The following SGMS1 variants were observed in gnomAD, a reference collection of about 807,000 sequenced individuals.
SGMS1 encodes the protein sphingomyelin synthase 1, also known as phosphatidylcholine:ceramide cholinephosphotransferase 1.
In SGMS1, 13 loss-of-function variants were observed where a neutral mutation model predicts 46.2. The observed-to-expected ratio is 0.28, with a 90% CI of 0.18 to 0.45. The LOEUF (loss-of-function observed/expected upper bound fraction) is 0.45, where lower values mean the gene tolerates loss of function less well. Among genes scored for constraint, SGMS1 ranks in the 20% least tolerant of loss-of-function variants. SGMS1 has a pLI of 1.00. For synonymous variants in SGMS1, 203 were observed against 187.8 expected (o/e 1.08, Z -0.66); for missense variants, 324 against 519.9 (o/e 0.62, Z 3.66).
chr10:50,615,901 T>C (rs1242953898), intron 1 of SGMS1, among the ~76,000 whole-genome samples: 2 of 152,208 alleles, frequency 1.3e-5, no homozygotes, highest in Non-Finnish European at 2.9e-5. Flanking sequence ...AATTGTTTCT[T>C]GCACATTAGC....
In SGMS1 at chr10:50,538,757, C is replaced by G. The variant is rs186461744; in HGVS notation, c.-588-18836G>C. Among the ~76,000 whole-genome samples, 8 of 152,282 alleles carry G rather than the reference C, an allele frequency of 5.3e-5. No homozygotes were observed. In the East Asian group the frequency reaches 1.5e-3, roughly 29 times the overall value. On this transcript the variant is annotated intron_variant, in intron 2 of 10. Transcript: ENST00000361781. Reference sequence around the variant, plus strand: ...GGAAATGACAGAAAACAATACTGATCTGGAGGTGGAACTGTGAGATAAAAG... The same window carrying G: ...GGAAATGACAGAAAACAATACTGATGTGGAGGTGGAACTGTGAGATAAAAG...
intron 1 of SGMS1, among the ~76,000 whole-genome samples, chr10:50,621,013 A>C (rs940853673): frequency 6.6e-6 from 1 of 152,034 alleles, no homozygotes; most frequent in South Asian, 2.1e-4. Flanking sequence ...ACAAAACCCT[A>C]TCTCTATAAA....
intron 1 of SGMS1, among the ~76,000 whole-genome samples, chr10:50,600,085 A>C (rs1048250873): frequency 2.0e-5 from 3 of 152,220 alleles, no homozygotes; most frequent in Admixed American, 1.3e-4. Flanking sequence ...AACTCTGAGC[A>C]CTTAACCAGA....
At chr10:50,446,842 C>T (rs1432929252) in intron 5 of SGMS1, among the ~76,000 whole-genome samples, 7 of 152,110 alleles carry the variant, frequency 4.6e-5, no homozygotes, top group African/African-American at 1.7e-4. Context: ...ATAAATTATA[C>T]CTAAATTTTA....
intron 6 of SGMS1, among the ~76,000 whole-genome samples, chr10:50,392,012 CAG>C (rs1848776281): frequency 6.6e-6 from 1 of 151,880 alleles, no homozygotes; most frequent in Non-Finnish European, 1.5e-5. Context: ...AAGGGAACAA[CAG>C]ACACCAGGGC....
chr10:50,453,803 AGGAGGGAGGGAGGAAG>A (rs1837147082), intron 5 of SGMS1, among the ~76,000 whole-genome samples: 1 of 22,286 alleles, frequency 4.5e-5, no homozygotes, highest in Admixed American at 5.5e-4. Flanking sequence ...GGGGAGAGGA[AGGAGGGAGGGAGGAAG>A]GGAGGGAGGG....
At chr10:50,409,965 G>A (rs1849073773) in intron 6 of SGMS1, among the ~76,000 whole-genome samples, 1 of 152,136 alleles carries the variant, frequency 6.6e-6, no homozygotes, top group Non-Finnish European at 1.5e-5. Flanking sequence ...GAAAAATTCT[G>A]TGAAATTTTG....
chr10:50,412,106 GA>G (rs1849108617), intron 6 of SGMS1, among the ~76,000 whole-genome samples: 1 of 152,134 alleles, frequency 6.6e-6, no homozygotes, highest in Admixed American at 6.5e-5. Context: ...GATGTGAGGG[GA>G]CAGATTTCCT....
At chr10:50,408,431 T>TAA (rs71029307) in intron 6 of SGMS1, among the ~76,000 whole-genome samples, 4,293 of 94,572 alleles carry the variant, frequency 0.045, 126 homozygotes, top group Non-Finnish European at 0.072. Context: ...CCTCATCTCT[T>TAA]AAAAAAAAAA....
At chr10:50,562,619 C>T (rs1261954194) in intron 2 of SGMS1, among the ~76,000 whole-genome samples, 2 of 152,212 alleles carry the variant, frequency 1.3e-5, no homozygotes, top group African/African-American at 2.4e-5. Flanking sequence ...TCTCGTCTCA[C>T]TGCAAGCTCC....
chr10:50,410,319 T>C (rs1052173816), intron 6 of SGMS1, among the ~76,000 whole-genome samples: 2 of 152,194 alleles, frequency 1.3e-5, no homozygotes, highest in Non-Finnish European at 2.9e-5. Flanking sequence ...GGAAGCCAGC[T>C]GGTCCTTAGA....
At chr10:50,410,809 T>C (rs1442526500) in intron 6 of SGMS1, among the ~76,000 whole-genome samples, 3 of 152,210 alleles carry the variant, frequency 2.0e-5, no homozygotes, top group Admixed American at 2.0e-4. Flanking sequence ...TCTCTGTAGC[T>C]AGGCCAAGTT....
intron 3 of SGMS1, among the ~76,000 whole-genome samples, chr10:50,517,296 AG>A (rs1386662507): frequency 2.6e-5 from 4 of 152,336 alleles, no homozygotes; most frequent in Non-Finnish European, 4.4e-5. Context: ...TTTAATGATG[AG>A]GCCAAAAAAT....
intron 1 of SGMS1, among the ~76,000 whole-genome samples, chr10:50,597,671 C>T (rs762664431): frequency 4.6e-5 from 7 of 152,144 alleles, no homozygotes; most frequent in South Asian, 2.1e-4. Flanking sequence ...GAAATTGTTC[C>T]GTATGCTGTT....
chr10:50,339,159 C>A (rs958397470), intron 7 of SGMS1, among the ~76,000 whole-genome samples: 12 of 152,192 alleles, frequency 7.9e-5, no homozygotes, highest in Admixed American at 1.3e-4. Context: ...TCATATCCTT[C>A]TCCCCTAATG....
intron 3 of SGMS1, among the ~76,000 whole-genome samples, chr10:50,517,384 AC>A (rs1268944355): frequency 6.6e-6 from 1 of 152,246 alleles, no homozygotes; most frequent in African/African-American, 2.4e-5. Context: ...AATTTAAAAA[AC>A]ATACCCATTT....
intron 2 of SGMS1, among the ~76,000 whole-genome samples, chr10:50,548,080 G>A (rs543810745): frequency 1.3e-5 from 2 of 152,212 alleles, no homozygotes; most frequent in South Asian, 2.1e-4. Context: ...ATATCATACT[G>A]AATGGGCAAA....
At chr10:50,556,712 C>T (rs3011793) in intron 2 of SGMS1, among the ~76,000 whole-genome samples, 28,708 of 152,106 alleles carry the variant, frequency 0.19, 3,120 homozygotes, top group Non-Finnish European at 0.26. Flanking sequence ...AACTCCTTTC[C>T]AGAATTTAGT....
intron 6 of SGMS1, among the ~76,000 whole-genome samples, chr10:50,372,934 C>G (rs1255220132): frequency 8.3e-6 from 1 of 120,582 alleles, no homozygotes; most frequent in African/African-American, 3.0e-5. Context: ...AATCCAAAGT[C>G]AATGCTATAA....
Sources: allele counts gnomAD v4.1 joint callset (sites outside exome capture counted in the v4.1 genomes callset), GRCh38; gene constraint gnomAD v4.1.1; transcripts MANE v1.5; gene names NCBI Gene and HGNC (gene_info 2026-07-23, HGNC 2026-07-21).